The following SEMA6D variants were observed in gnomAD, a reference collection of about 807,000 sequenced individuals.
The protein encoded by SEMA6D is semaphorin-6D.
In SEMA6D, 35 loss-of-function variants were observed where a neutral mutation model predicts 106.6. That is an observed-to-expected ratio of 0.33 (90% CI 0.25 to 0.44). The LOEUF (loss-of-function observed/expected upper bound fraction) is 0.44, where lower values mean the gene tolerates loss of function less well. SEMA6D is among the 20% of genes least tolerant of loss of function. The pLI is 1.00. For synonymous variants in SEMA6D, 499 were observed against 487.7 expected (o/e 1.02, Z -0.31); for missense variants, 1,185 against 1,345.9 (o/e 0.88, Z 1.87).
At position 47,771,779 on chromosome 15, in the gene SEMA6D, A is replaced by G. The variant is rs1468373933; in HGVS notation, c.3216A>G (p.Thr1072=). ...CTGTCAGACCACTGAACAAATACAC[A>G]TACTAGGCCTCAAGTGTGCTATTCC... The part of the protein sequence containing the change: ...TPSVRPLNKY[T]Y Residue 1072 remains threonine, a synonymous_variant, in exon 19 of 19, where the codon ACA becomes ACG. Transcript: ENST00000536845. The G allele has an allele frequency of 1.9e-6, 3 of 1,611,918 alleles. No individual in the cohort carries two copies. Among genetic ancestry groups the G allele is most frequent in the East Asian group, 2.2e-5 (1 of 44,864 alleles).
chr15:47,515,976 G>C (rs552286147), intron 3 of SEMA6D, among the ~76,000 whole-genome samples: 137 of 152,258 alleles, frequency 9.0e-4, no homozygotes, highest in Middle Eastern at 3.4e-3. Context: ...GTCTGAAAAG[G>C]ATGACAGAGG....
At chr15:47,255,481 T>G (rs2033757270) in intron 1 of SEMA6D, among the ~76,000 whole-genome samples, 1 of 152,112 alleles carries the variant, frequency 6.6e-6, no homozygotes, top group South Asian at 2.1e-4. Flanking sequence ...TAATTTTGGA[T>G]TTAGCTTGTT....
At chr15:47,389,265 G>A (rs1381637560) in intron 1 of SEMA6D, among the ~76,000 whole-genome samples, 1 of 152,118 alleles carries the variant, frequency 6.6e-6, no homozygotes, top group African/African-American at 2.4e-5. Flanking sequence ...AATAGTGTCT[G>A]GCACATATTA....
At chr15:47,665,589 C>G (rs2078010033) in intron 4 of SEMA6D, among the ~76,000 whole-genome samples, 1 of 152,182 alleles carries the variant, frequency 6.6e-6, no homozygotes, top group Non-Finnish European at 1.5e-5. Flanking sequence ...GTGGGCAGAT[C>G]ACCTGAGGTC....
intron 1 of SEMA6D, among the ~76,000 whole-genome samples, chr15:47,740,330 C>G (rs891739726): frequency 8.5e-5 from 13 of 152,140 alleles, no homozygotes; most frequent in African/African-American, 3.1e-4. Flanking sequence ...ACCATCCTGA[C>G]CAACATAGTG....
In SEMA6D at chr15:47,517,726, A is replaced by C. The variant is rs867294004; in HGVS notation, c.-87+47181A>C. ...CACTTTTTGTTTGTTTGTCTGTTTA[A>C]GCAAAGTGGCCTCCACCCAATGTTT... On this transcript the variant is annotated intron_variant, in intron 3 of 19. Coordinates refer to the SEMA6D transcript ENST00000558014. Among the ~76,000 whole-genome samples the C allele has an allele frequency of 2.0e-5, 3 of 152,228 alleles. No individual in the cohort carries two copies. The South Asian group carries it at 6.2e-4, about 32-fold the overall frequency.
At chr15:47,624,849 CAA>C (rs143899560) in intron 4 of SEMA6D, among the ~76,000 whole-genome samples, 1,934 of 152,192 alleles carry the variant, frequency 0.013, 43 homozygotes, top group African/African-American at 0.044. Context: ...TTTCAGTCAC[CAA>C]GTGATAAACT....
intron 3 of SEMA6D, among the ~76,000 whole-genome samples, chr15:47,486,027 A>G (rs1283862499): frequency 3.3e-5 from 5 of 152,218 alleles, no homozygotes; most frequent in African/African-American, 1.2e-4. Context: ...GAGTGTGGTT[A>G]GGAGAAGTAT....
chr15:47,509,378 C>T (rs1329090448), intron 3 of SEMA6D, among the ~76,000 whole-genome samples: 2 of 152,180 alleles, frequency 1.3e-5, no homozygotes, highest in East Asian at 1.9e-4. Flanking sequence ...TTGGTTTCCC[C>T]TTAATAAAGA....
chr15:47,551,874 G>A (rs1261430396), intron 3 of SEMA6D, among the ~76,000 whole-genome samples: 1 of 152,078 alleles, frequency 6.6e-6, no homozygotes, highest in Non-Finnish European at 1.5e-5. Flanking sequence ...GAAATACACA[G>A]AGGTATGGAT....
intron 1 of SEMA6D, among the ~76,000 whole-genome samples, chr15:47,394,574 G>A (rs578192629): frequency 6.6e-6 from 1 of 152,278 alleles, no homozygotes; most frequent in African/African-American, 2.4e-5. Context: ...AAAAAAGGCT[G>A]CTTTCAGTTC....
chr15:47,445,605 T>C (rs966741980), intron 2 of SEMA6D, among the ~76,000 whole-genome samples: 4 of 152,120 alleles, frequency 2.6e-5, no homozygotes, highest in East Asian at 1.9e-4. Flanking sequence ...GCACTAATTT[T>C]AGCCCCTGCA....
intron 1 of SEMA6D, among the ~76,000 whole-genome samples, chr15:47,217,953 G>A (rs1451042963): frequency 1.3e-5 from 2 of 150,414 alleles, no homozygotes; most frequent in Non-Finnish European, 3.0e-5. Flanking sequence ...GCTCCTCTCC[G>A]CTATAAGGAA....
At chr15:47,265,494 C>CT (rs1566960810) in intron 1 of SEMA6D, among the ~76,000 whole-genome samples, 1 of 151,750 alleles carries the variant, frequency 6.6e-6, no homozygotes, top group Non-Finnish European at 1.5e-5. Flanking sequence ...GTCCTCATAC[C>CT]TTTTTTGTTT....
At chr15:47,618,476 C>T (rs1450650608) in intron 4 of SEMA6D, among the ~76,000 whole-genome samples, 1 of 152,224 alleles carries the variant, frequency 6.6e-6, no homozygotes, top group Non-Finnish European at 1.5e-5. Context: ...GTAAAGCATT[C>T]AATCAATGAG....
At chr15:47,446,361 G>T (rs187648645) in intron 2 of SEMA6D, among the ~76,000 whole-genome samples, 1 of 152,244 alleles carries the variant, frequency 6.6e-6, no homozygotes, top group Admixed American at 6.5e-5. Flanking sequence ...TCCCAAGGAT[G>T]AATATGATTA....
intron 1 of SEMA6D, among the ~76,000 whole-genome samples, chr15:47,283,729 C>T (rs1263077263): frequency 2.0e-5 from 3 of 152,200 alleles, no homozygotes; most frequent in Admixed American, 6.5e-5. Flanking sequence ...GCAAGCACAC[C>T]AGCTTAACAC....
intron 3 of SEMA6D, among the ~76,000 whole-genome samples, chr15:47,579,219 G>A (rs528692584): frequency 6.7e-6 from 1 of 149,530 alleles, no homozygotes; most frequent in Non-Finnish European, 1.5e-5. Context: ...TCAGCTCACT[G>A]CAACCTCCAC....
intron 1 of SEMA6D, among the ~76,000 whole-genome samples, chr15:47,374,496 C>T (rs1184106342): frequency 6.6e-6 from 1 of 152,132 alleles, no homozygotes; most frequent in Non-Finnish European, 1.5e-5. Flanking sequence ...CTGTTGGACT[C>T]AGGTCTCTTC....
Sources: allele counts gnomAD v4.1 joint callset (sites outside exome capture counted in the v4.1 genomes callset), GRCh38; gene constraint gnomAD v4.1.1; transcripts MANE v1.5; gene names NCBI Gene and HGNC (gene_info 2026-07-23, HGNC 2026-07-21).